DLG2: variants seen among roughly 807,000 people sequenced by gnomAD.
DLG2 encodes disks large homolog 2.
In DLG2, 45 loss-of-function variants were observed where a neutral mutation model predicts 132.5. The observed-to-expected ratio is 0.34, with a 90% CI of 0.27 to 0.44. The LOEUF is 0.44. Ranked by LOEUF, DLG2 falls within the 20% of genes least tolerant of loss-of-function variation. The probability of loss-of-function intolerance (pLI) is 1.00; values close to 1 mark genes in which losing one functional copy is unlikely to be tolerated. For missense variants in DLG2, 1,045 were observed against 1,196.9 expected (o/e 0.87, Z 1.87); for synonymous variants, 424 against 419.6 (o/e 1.01, Z -0.13).
chr11:83,769,543 G>A (rs1390206275), intron 18 of DLG2, among the ~76,000 whole-genome samples: 1 of 151,386 alleles, frequency 6.6e-6, no homozygotes, highest in East Asian at 1.9e-4. Flanking sequence ...CTTCCTAGAG[G>A]AGAATGACTC....
chr11:84,288,853 TC>T (rs2097946758), intron 7 of DLG2, among the ~76,000 whole-genome samples: 1 of 152,134 alleles, frequency 6.6e-6, no homozygotes, highest in Non-Finnish European at 1.5e-5. Context: ...AATGTAGGGA[TC>T]ACAAACATTT....
At chr11:84,975,125 G>C (rs567730829) in intron 6 of DLG2, among the ~76,000 whole-genome samples, 2 of 152,210 alleles carry the variant, frequency 1.3e-5, no homozygotes, top group Admixed American at 6.5e-5. Flanking sequence ...AGGAGGGGTG[G>C]GGATGAATAG....
intron 6 of DLG2, among the ~76,000 whole-genome samples, chr11:84,983,424 A>G (rs11823066): frequency 6.6e-6 from 1 of 152,136 alleles, no homozygotes; most frequent in South Asian, 2.1e-4. Context: ...AGGAAGCCAC[A>G]TCCTAGGAAA....
At chr11:83,511,095 C>G (rs79997469) in intron 21 of DLG2, among the ~76,000 whole-genome samples, 4 of 148,298 alleles carry the variant, frequency 2.7e-5, no homozygotes, top group East Asian at 1.9e-4. Context: ...CAGACACACA[C>G]ACACACACAC....
intron 2 of DLG2, among the ~76,000 whole-genome samples, chr11:85,624,369 T>C (rs890056491): frequency 6.6e-6 from 1 of 152,154 alleles, no homozygotes; most frequent in African/African-American, 2.4e-5. Flanking sequence ...TGAAAATCCA[T>C]CTTATGAAAA....
At chr11:84,209,516 T>C (rs2096722263) in intron 8 of DLG2, among the ~76,000 whole-genome samples, 1 of 152,138 alleles carries the variant, frequency 6.6e-6, no homozygotes, top group African/African-American at 2.4e-5. Flanking sequence ...TATTCTATGG[T>C]AATATAATAT....
intron 13 of DLG2, among the ~76,000 whole-genome samples, chr11:83,964,445 G>GT (rs1399087348): frequency 2.6e-5 from 4 of 151,960 alleles, no homozygotes; most frequent in African/African-American, 9.7e-5. Context: ...AGAGAAACAT[G>GT]TAAGTCTGAG....
chr11:84,425,717 A>G (rs2098964238), intron 7 of DLG2, among the ~76,000 whole-genome samples: 1 of 152,182 alleles, frequency 6.6e-6, no homozygotes, highest in Non-Finnish European at 1.5e-5. Flanking sequence ...AAACAGTCAT[A>G]ACAATGAAAA....
intron 6 of DLG2, among the ~76,000 whole-genome samples, chr11:84,692,261 G>C (rs1297849670): frequency 6.6e-6 from 1 of 151,574 alleles, no homozygotes; most frequent in Non-Finnish European, 1.5e-5. Context: ...TTTAAATTTA[G>C]CATGGTATGC....
chr11:85,425,945 T>A (rs1454129069), intron 3 of DLG2, among the ~76,000 whole-genome samples: 1 of 152,202 alleles, frequency 6.6e-6, no homozygotes, highest in East Asian at 1.9e-4. Context: ...ACCCTAATAC[T>A]GTGCTTTTCC....
At chr11:83,581,121 G>A (rs58258787) in intron 19 of DLG2, among the ~76,000 whole-genome samples, 2,266 of 151,876 alleles carry the variant, frequency 0.015, 61 homozygotes, top group African/African-American at 0.051. Context: ...GGGTGAGTTC[G>A]AAGGCTGAGA....
chr11:84,620,050 T>C (rs1047380540), intron 6 of DLG2, among the ~76,000 whole-genome samples: 1 of 151,592 alleles, frequency 6.6e-6, no homozygotes, highest in Non-Finnish European at 1.5e-5. Context: ...TTAATAATAA[T>C]TTAAATTTTT....
chr11:84,780,587 G>A (rs899547562), intron 6 of DLG2, among the ~76,000 whole-genome samples: 1 of 152,074 alleles, frequency 6.6e-6, no homozygotes, highest in African/African-American at 2.4e-5. Context: ...AGCAGTGTGT[G>A]TGAATTCTGA....
chr11:84,563,213 C>CT (rs2099434502), intron 6 of DLG2, among the ~76,000 whole-genome samples: 1 of 152,188 alleles, frequency 6.6e-6, no homozygotes, highest in Non-Finnish European at 1.5e-5. Context: ...CACCTGCGGA[C>CT]TTTTCAACCA....
chr11:85,402,482 T>A (rs931087518), intron 3 of DLG2, among the ~76,000 whole-genome samples: 2 of 152,098 alleles, frequency 1.3e-5, no homozygotes, highest in African/African-American at 4.8e-5. Flanking sequence ...AAAGCCAAAC[T>A]AGACAAATGG....
intron 18 of DLG2, among the ~76,000 whole-genome samples, chr11:83,701,766 G>T (rs1012791094): frequency 6.6e-6 from 1 of 152,168 alleles, no homozygotes; most frequent in Non-Finnish European, 1.5e-5. Context: ...ACAGACACTG[G>T]GATAACCTGT....
At chr11:83,710,464 A>T (rs1197804324) in intron 18 of DLG2, among the ~76,000 whole-genome samples, 1 of 152,110 alleles carries the variant, frequency 6.6e-6, no homozygotes, top group African/African-American at 2.4e-5. Context: ...GCCTGGCCAG[A>T]TACTTTTCAT....
chr11:83,478,270 T>A (rs1373265318), intron 22 of DLG2, among the ~76,000 whole-genome samples: 4 of 152,094 alleles, frequency 2.6e-5, no homozygotes. Flanking sequence ...AGACTCTTCT[T>A]ACTTTTGTTC....
intron 3 of DLG2, among the ~76,000 whole-genome samples, chr11:85,298,738 T>C (rs2079400322): frequency 6.6e-6 from 1 of 152,104 alleles, no homozygotes; most frequent in South Asian, 2.1e-4. Context: ...AATTTCCCAT[T>C]AATACCAATA....
Sources: allele counts gnomAD v4.1 joint callset (sites outside exome capture counted in the v4.1 genomes callset), GRCh38; gene constraint gnomAD v4.1.1; transcripts MANE v1.5; gene names NCBI Gene and HGNC (gene_info 2026-07-23, HGNC 2026-07-21).